GCSH: variants seen among roughly 807,000 people sequenced by gnomAD.
GCSH encodes the protein glycine cleavage system protein H, also known as glycine cleavage system H protein, mitochondrial.
A neutral mutation model predicts 21.3 loss-of-function variants in GCSH; 15 were observed. That is an observed-to-expected ratio of 0.70 (90% CI 0.47 to 1.08). The LOEUF is 1.08. GCSH is among the 50% of genes least tolerant of loss of function. The probability of loss-of-function intolerance (pLI) is 0.00; values close to 1 mark genes in which losing one functional copy is unlikely to be tolerated. For synonymous variants in GCSH, 59 were observed against 84.5 expected (o/e 0.70, Z 1.66); for missense variants, 179 against 217.5 (o/e 0.82, Z 1.11).
intron 3 of GCSH, among the ~76,000 whole-genome samples, chr16:81,085,562 T>C (rs1430859575): frequency 6.6e-6 from 1 of 152,196 alleles, no homozygotes; most frequent in Non-Finnish European, 1.5e-5. Flanking sequence ...AAGTACCCTG[T>C]ATCAGATAAC....
At chr16:81,095,841 T>TGCCCGCCGG (rs1395449185) in intron 1 of GCSH, among the ~76,000 whole-genome samples, 1 of 151,112 alleles carries the variant, frequency 6.6e-6, no homozygotes, top group African/African-American at 2.4e-5. Context: ...GCGGCCGACC[T>TGCCCGCCGG]GCCCGCCGGA....
chr16:81,082,419 G>A lies in GCSH; in HGVS notation c.*447C>T. The A allele has an allele frequency of 2.6e-6, 1 of 380,220 alleles. No homozygotes were observed. Among genetic ancestry groups the A allele is most frequent in the Non-Finnish European group, 5.1e-6 (1 of 194,756 alleles). The allele number at this position is 380,220 out of a possible 1,614,324, so 23.6% of individuals were successfully genotyped here. ...TGCAGTGTATCGCAAAATTAAGATA[G>A]TGGTGTTCCTCATCTGACACTGTAC... On this transcript the variant is annotated 3_prime_UTR_variant, in exon 5 of 5. Transcript: ENST00000315467.
In GCSH at chr16:81,084,478, A is replaced by T. The variant is rs1972231840; in HGVS notation, c.409T>A (p.Ser137Thr). The change falls in exon 4 of 5, where the codon TCT becomes ACT. Residue 137 changes from serine to threonine, a missense_variant. Coordinates refer to ENST00000315467, the MANE Select transcript of GCSH (RefSeq NM_004483.5). ...AACAGCTTACCATCTTCATAACAAG[A>T]TTTGTTTACAAGTCCTGGATTTTCT... ...LAENPGLVNK[S>T]CYEDGWLIKM... 1.2e-6 allele frequency: 2 copies of T among 1,610,168 alleles called. No homozygotes were observed. The highest frequency in any genetic ancestry group is 1.7e-6 in the Non-Finnish European group (2 of 1,176,550).
chr16:81,088,424 G>T (rs1424945788), intron 2 of GCSH, among the ~76,000 whole-genome samples: 1 of 152,096 alleles, frequency 6.6e-6, no homozygotes, highest in African/African-American at 2.4e-5. Flanking sequence ...TTGAGACAGA[G>T]TTTCTCTCTT....
intron 1 of GCSH, among the ~76,000 whole-genome samples, chr16:81,094,140 TC>T (rs1972454583): frequency 6.6e-6 from 1 of 152,060 alleles, no homozygotes; most frequent in Non-Finnish European, 1.5e-5. Context: ...CCTCAGGTGA[TC>T]CGCCCGCCTC....
intron 3 of GCSH, among the ~76,000 whole-genome samples, chr16:81,086,272 C>T (rs1972275812): frequency 6.7e-6 from 1 of 150,076 alleles, no homozygotes; most frequent in South Asian, 2.1e-4. Flanking sequence ...GCGGCTCATG[C>T]TTGTAATCCC....
chr16:81,090,025 C>T (rs1427700203), intron 2 of GCSH, among the ~76,000 whole-genome samples: 1 of 152,136 alleles, frequency 6.6e-6, no homozygotes, highest in Non-Finnish European at 1.5e-5. Context: ...TCTTAAAACA[C>T]CACATAATGC....
chr16:81,094,809 ATTG>A (rs1246512670), intron 1 of GCSH, among the ~76,000 whole-genome samples: 1 of 152,132 alleles, frequency 6.6e-6, no homozygotes, highest in African/African-American at 2.4e-5. Context: ...CGTAAAGAAA[ATTG>A]TTGGCCTGGC....
At chr16:81,093,141 G>C (rs75333157) in intron 1 of GCSH, among the ~76,000 whole-genome samples, 12 of 149,896 alleles carry the variant, frequency 8.0e-5, no homozygotes, top group African/African-American at 2.5e-4. Flanking sequence ...AAAAAAAAAA[G>C]TTGCAGAATG....
At chr16:81,090,133 C>G (rs191315178) in intron 2 of GCSH, among the ~76,000 whole-genome samples, 91 of 151,720 alleles carry the variant, frequency 6.0e-4, no homozygotes, top group African/African-American at 2.0e-3. Context: ...CTCTGTCACC[C>G]AGGCTAGAGT....
In GCSH at chr16:81,084,556, C is replaced by A. The variant is rs756007289; in HGVS notation, c.331G>T (p.Glu111Ter). 1 of 1,603,012 alleles carries A rather than the reference C, an allele frequency of 6.2e-7. No homozygotes were observed. Among genetic ancestry groups the A allele is most frequent in the Non-Finnish European group, 8.5e-7 (1 of 1,170,216 alleles). ...TCTCCTGATAAAGGAGAATAGAGTT[C>A]ACTAGCAGCTTTCACACTTTCCAAA... Reference protein sequence around the residue: ...GALESVKAASELYSPLSGEVT... With the variant: ...GALESVKAAS Residue 111 changes from glutamate to a stop codon, truncating the protein, a stop_gained, in exon 4 of 5, where the codon GAA (glutamate) becomes TAA (stop). Coordinates refer to ENST00000315467, the MANE Select transcript of GCSH (RefSeq NM_004483.5). LOFTEE classifies it high-confidence loss of function.
intron 2 of GCSH, among the ~76,000 whole-genome samples, chr16:81,088,829 A>T (rs76780895): frequency 0.014 from 2,155 of 152,224 alleles, 42 homozygotes; most frequent in African/African-American, 0.048. Flanking sequence ...TAGTCCTCAC[A>T]CCTTGTACTC....
At chr16:81,086,354 G>A (rs1283778959) in intron 3 of GCSH, among the ~76,000 whole-genome samples, 1 of 151,986 alleles carries the variant, frequency 6.6e-6, no homozygotes, top group Admixed American at 6.6e-5. Context: ...CCAACATGGT[G>A]AAACCCCGCC....
At chr16:81,084,662 G>C in intron 3 of GCSH, 68 bp from the exon 4 acceptor site, 2 of 1,144,618 alleles carry the variant, frequency 1.7e-6, no homozygotes, top group Non-Finnish European at 2.6e-6. Flanking sequence ...CATAAAATAC[G>C]AAAAAGTAGA....
intron 2 of GCSH, among the ~76,000 whole-genome samples, chr16:81,088,085 C>T (rs776662432): frequency 3.9e-5 from 6 of 151,916 alleles, no homozygotes; most frequent in Admixed American, 6.6e-5. Flanking sequence ...GAGATTGCAC[C>T]TGTATACTCC....
At chr16:81,088,974 G>A (rs1204285082) in intron 2 of GCSH, among the ~76,000 whole-genome samples, 1 of 152,138 alleles carries the variant, frequency 6.6e-6, no homozygotes, top group Non-Finnish European at 1.5e-5. Flanking sequence ...ATAAACTCTA[G>A]GAGGTAAGGA....
rs1972309798 is a variant in GCSH at position 81,087,630 on chromosome 16, G to A, written c.263C>T (p.Pro88Leu). 6.2e-7 allele frequency: 1 copy of A among 1,611,972 alleles called. No individual in the cohort carries two copies. Among genetic ancestry groups the A allele is most frequent in the Non-Finnish European group, 8.5e-7 (1 of 1,178,370 alleles). The change falls in exon 3 of 5, where the codon CCT becomes CTT. Residue 88 changes from proline to leucine, a missense_variant. Coordinates refer to ENST00000315467, the MANE Select transcript of GCSH (RefSeq NM_004483.5). ...TTTGTTCAATTTTGTCCCAACTTCA[G>A]GGAGACTACAATAAACAACATCTCC... Reference protein sequence around the residue: ...ALGDVVYCSLPEVGTKLNKQD... With the variant: ...ALGDVVYCSLLEVGTKLNKQD...
intron 2 of GCSH, among the ~76,000 whole-genome samples, chr16:81,088,178 C>G (rs1972322662): frequency 6.6e-6 from 1 of 152,080 alleles, no homozygotes; most frequent in Admixed American, 6.6e-5. Flanking sequence ...AATCCCAGCT[C>G]TTAGGGAGGC....
rs1349727724 is a variant in GCSH at position 81,087,655 on chromosome 16, C to G, written c.238G>C (p.Gly80Arg). 1 of 1,611,156 alleles carries G rather than the reference C, an allele frequency of 6.2e-7. No individual in the cohort carries two copies. Among genetic ancestry groups the G allele is most frequent in the African/African-American group, 1.3e-5 (1 of 74,730 alleles). Residue 80 changes from glycine to arginine, a missense_variant, in exon 3 of 5, where the codon GGA becomes CGA. Transcript: ENST00000315467. ...GGGAGACTACAATAAACAACATCTC[C>G]CAACGCTTCCTAAATAAAACAAGAC... is the stretch of plus-strand genomic sequence containing the variant. Reference protein sequence around the residue: ...GISNFAQEALGDVVYCSLPEV... With the variant: ...GISNFAQEALRDVVYCSLPEV...
Sources: gnomAD v4.1 joint callset for allele counts (sites outside exome capture counted in the v4.1 genomes callset) on GRCh38, gnomAD v4.1.1 for gene constraint, MANE v1.5 for transcripts, NCBI Gene and HGNC (gene_info 2026-07-23, HGNC 2026-07-21) for gene names.